Variants in TNNI3K observed in about 807,000 individuals in gnomAD.
TNNI3K encodes serine/threonine-protein kinase TNNI3K.
Under a neutral mutation model 114.5 loss-of-function variants are expected in TNNI3K, and 140 were observed. That is an observed-to-expected ratio of 1.22 (90% CI 1.07 to 1.41). TNNI3K has a LOEUF of 1.41. Ranked by LOEUF, TNNI3K falls within the 40% of genes most tolerant of loss-of-function variation. TNNI3K has a pLI of 0.00. For synonymous variants in TNNI3K, 347 were observed against 347.5 expected (o/e 1.00, Z 0.02); for missense variants, 1,125 against 1,007.6 (o/e 1.12, Z -1.58).
At chr1:74,429,152 T>C (rs1161330330) in intron 17 of TNNI3K, among the ~76,000 whole-genome samples, 1 of 152,064 alleles carries the variant, frequency 6.6e-6, no homozygotes, top group Non-Finnish European at 1.5e-5. Context: ...TCTGTTATCC[T>C]GGGGCTCAAA....
intron 11 of TNNI3K, among the ~76,000 whole-genome samples, chr1:74,358,325 AT>A (rs1305875253): frequency 2.0e-5 from 3 of 152,114 alleles, no homozygotes; most frequent in African/African-American, 7.2e-5. Flanking sequence ...GAATTAGTGA[AT>A]AAGGGAGCAA....
At chr1:74,496,529 T>C (rs1669333881) in intron 23 of TNNI3K, among the ~76,000 whole-genome samples, 1 of 152,190 alleles carries the variant, frequency 6.6e-6, no homozygotes, top group Non-Finnish European at 1.5e-5. Context: ...CAATTTTTGG[T>C]CATGAAGTTC....
chr1:74,353,115 T>G, intron 9 of TNNI3K, 151 bp from the exon 10 acceptor site: 1 of 825,858 alleles, frequency 1.2e-6, no homozygotes, highest in Non-Finnish European at 1.9e-6. Context: ...TAAGTACCTC[T>G]TTAAAGATAC....
chr1:74,308,995 C>T (rs1389033188), intron 5 of TNNI3K, among the ~76,000 whole-genome samples: 2 of 152,098 alleles, frequency 1.3e-5, no homozygotes, highest in Admixed American at 1.3e-4. Flanking sequence ...AATTATGAAA[C>T]TGAATCAGTG....
chr1:74,369,459 G>A lies in TNNI3K; in HGVS notation c.1541G>A (p.Cys514Tyr). Residue 514 changes from cysteine to tyrosine, a missense_variant, in exon 16 of 25, where the codon TGC (cysteine) becomes TAC (tyrosine). Coordinates refer to ENST00000326637, the MANE Select transcript of TNNI3K (RefSeq NM_015978.3). ...TTTTGCCGAGAGGTGTCCATTCTCT[G>A]CCAGCTCAATCATCCCTGCGTAATT... ...DMFCREVSIL[C>Y]QLNHPCVIQF... 6.2e-7 allele frequency: 1 copy of A among 1,612,672 alleles called. No homozygotes were observed. Among genetic ancestry groups the A allele is most frequent in the Non-Finnish European group, 8.5e-7 (1 of 1,179,218 alleles).
intron 5 of TNNI3K, among the ~76,000 whole-genome samples, chr1:74,322,913 A>T (rs924262090): frequency 6.6e-6 from 1 of 152,082 alleles, no homozygotes; most frequent in African/African-American, 2.4e-5. Context: ...TCTTTCTTCA[A>T]TCCATTCAAT....
At chr1:74,414,776 C>T (rs902106780) in intron 17 of TNNI3K, among the ~76,000 whole-genome samples, 3 of 152,178 alleles carry the variant, frequency 2.0e-5, no homozygotes, top group African/African-American at 7.2e-5. Flanking sequence ...TTCTCACTAT[C>T]GGCATCACTG....
chr1:74,456,766 T>C (rs1392377177), intron 20 of TNNI3K, among the ~76,000 whole-genome samples: 2 of 152,180 alleles, frequency 1.3e-5, no homozygotes, highest in African/African-American at 4.8e-5. Context: ...TAGCAGTAAT[T>C]TAAGAACATC....
In TNNI3K at chr1:74,474,360, A is replaced by G. The variant is rs557606055; in HGVS notation, c.2121+10810A>G. Among the ~76,000 whole-genome samples the G allele has an allele frequency of 2.5e-4, 38 of 152,232 alleles. No homozygotes were observed. In the South Asian group the frequency reaches 7.5e-3, roughly 30 times the overall value. The stretch of plus-strand genomic sequence containing the variant: ...TGTGTGAAATCATCAACCCCCAGAC[A>G]CTGGTAAGAACTGGAGTGTGGGAAT... On this transcript the variant is annotated intron_variant, in intron 21 of 24. Transcript: ENST00000326637.
In TNNI3K at chr1:74,353,882, G is replaced by A. The variant is rs1487451903; in HGVS notation, c.1028-98G>A. 3.5e-6 allele frequency: 5 copies of A among 1,431,976 alleles called. No homozygotes were observed. The African/African-American group carries it at 4.3e-5, about 12-fold the overall frequency. The allele number at this position is 1,431,976 out of a possible 1,614,324, so 88.7% of individuals were successfully genotyped here. ...AAATCAATCCTTACTTCATACCTTT[G>A]GAAATAATGCTATTATGTGGTGATG... is the stretch of plus-strand genomic sequence containing the variant. On this transcript the variant is annotated intron_variant, in intron 10 of 24. Coordinates refer to ENST00000326637, the MANE Select transcript of TNNI3K (RefSeq NM_015978.3).
chr1:74,448,325 C>G (rs916789153), intron 20 of TNNI3K, among the ~76,000 whole-genome samples: 1 of 143,260 alleles, frequency 7.0e-6, no homozygotes, highest in Non-Finnish European at 1.5e-5. Context: ...TATCCTGAGA[C>G]TTTGCTGAAG....
chr1:74,489,161 G>A, intron 21 of TNNI3K, 28 bp from the exon 22 acceptor site: 1 of 1,592,198 alleles, frequency 6.3e-7, no homozygotes, highest in Non-Finnish European at 8.5e-7. Context: ...TATTCTTAAG[G>A]GAAAAAAGTT....
At chr1:74,398,854 C>T (rs182462176) in intron 17 of TNNI3K, among the ~76,000 whole-genome samples, 61 of 152,120 alleles carry the variant, frequency 4.0e-4, no homozygotes, top group African/African-American at 1.1e-3. Flanking sequence ...AAGCATACTA[C>T]TAAACTAATC....
intron 17 of TNNI3K, among the ~76,000 whole-genome samples, chr1:74,409,774 G>C (rs1004011861): frequency 1.3e-5 from 2 of 152,128 alleles, no homozygotes; most frequent in African/African-American, 4.8e-5. Flanking sequence ...GATTACAGGC[G>C]TGAGCCACCA....
rs527697326 is a variant in TNNI3K, at chr1:74,379,537, C to A, written c.1772+9145C>A. The stretch of plus-strand genomic sequence containing the variant: ...TCATAATTTCTATCCCCATTTCTGA[C>A]ATGCTCAGTTTCCATATTATGAAGT... On this transcript the variant is annotated intron_variant, in intron 17 of 24. Transcript: ENST00000326637. Among the ~76,000 whole-genome samples, 97 of 152,204 alleles carry A rather than the reference C, an allele frequency of 6.4e-4. 1 individual carries two copies. The highest frequency in any genetic ancestry group is 1.2e-3 in the Non-Finnish European group (83 of 68,004).
intron 23 of TNNI3K, 119 bp from the exon 24 acceptor site, chr1:74,540,115 C>G (rs1484968406): frequency 2.6e-5 from 27 of 1,034,478 alleles, no homozygotes; most frequent in Non-Finnish European, 3.3e-5. Flanking sequence ...AAGATAAAAG[C>G]TGCTTTGTAT....
At chr1:74,454,245 T>A (rs1273273523) in intron 20 of TNNI3K, among the ~76,000 whole-genome samples, 2 of 152,190 alleles carry the variant, frequency 1.3e-5, no homozygotes, top group East Asian at 3.8e-4. Context: ...CTTTAGTTGT[T>A]TTAAAACATA....
intron 23 of TNNI3K, among the ~76,000 whole-genome samples, chr1:74,499,742 C>A (rs989990965): frequency 6.6e-6 from 1 of 152,058 alleles, no homozygotes. Context: ...ATGAAAAGAT[C>A]TGACATCTTT....
intron 21 of TNNI3K, among the ~76,000 whole-genome samples, chr1:74,484,065 G>A (rs1256109461): frequency 1.3e-5 from 2 of 151,784 alleles, no homozygotes; most frequent in Non-Finnish European, 2.9e-5. Flanking sequence ...AGTATTATAA[G>A]AGTTAAATGG....
Sources: allele counts gnomAD v4.1 joint callset (sites outside exome capture counted in the v4.1 genomes callset), GRCh38; gene constraint gnomAD v4.1.1; transcripts MANE v1.5; gene names NCBI Gene and HGNC (gene_info 2026-07-23, HGNC 2026-07-21).